Variants in EPHA6 observed in about 807,000 individuals in gnomAD.
EPHA6 encodes EPH receptor A6.
EPHA6 carries 50 observed loss-of-function variants against 112.0 expected under a neutral mutation model. That is an observed-to-expected ratio of 0.45 (90% CI 0.36 to 0.56). EPHA6 has a LOEUF of 0.56. Ranked by LOEUF, EPHA6 falls within the 20% of genes least tolerant of loss-of-function variation. EPHA6 has a pLI of 0.00. For missense variants in EPHA6, 1,280 were observed against 1,417.4 expected (o/e 0.90, Z 1.56); for synonymous variants, 529 against 490.7 (o/e 1.08, Z -1.03).
intron 2 of EPHA6, among the ~76,000 whole-genome samples, chr3:96,949,758 CT>C (rs2041447023): frequency 6.6e-6 from 1 of 152,028 alleles, no homozygotes. Context: ...TTACCACTTT[CT>C]TCTCTGCTTT....
chr3:97,014,460 T>G (rs2044200307), intron 3 of EPHA6, among the ~76,000 whole-genome samples: 1 of 151,760 alleles, frequency 6.6e-6, no homozygotes, highest in Admixed American at 6.6e-5. Context: ...CCTTTCCTTC[T>G]TTCCTTCCTT....
chr3:97,258,804 C>A (rs1409512128), intron 5 of EPHA6, among the ~76,000 whole-genome samples: 1 of 152,160 alleles, frequency 6.6e-6, no homozygotes, highest in Admixed American at 6.6e-5. Context: ...AAATAAGTAT[C>A]TTGCATTAGA....
At chr3:97,518,160 T>G (rs1413885092) in intron 10 of EPHA6, among the ~76,000 whole-genome samples, 1 of 152,148 alleles carries the variant, frequency 6.6e-6, no homozygotes, top group East Asian at 1.9e-4. Flanking sequence ...TTGAGGAACC[T>G]CCATATCATT....
intron 3 of EPHA6, among the ~76,000 whole-genome samples, chr3:97,126,718 T>TAA (rs35157365): frequency 1.5e-4 from 22 of 148,508 alleles, no homozygotes; most frequent in South Asian, 8.5e-4. Flanking sequence ...TCACCTGTGT[T>TAA]AAAAAAAAAA....
At chr3:97,033,171 T>G (rs1018305563) in intron 3 of EPHA6, among the ~76,000 whole-genome samples, 1 of 152,006 alleles carries the variant, frequency 6.6e-6, no homozygotes, top group African/African-American at 2.4e-5. Context: ...TTGGAAAGGT[T>G]GTTATGAGAT....
intron 12 of EPHA6, among the ~76,000 whole-genome samples, chr3:97,602,572 C>T (rs1344133597): frequency 6.6e-6 from 1 of 152,064 alleles, no homozygotes; most frequent in Non-Finnish European, 1.5e-5. Flanking sequence ...CAATTGCTCA[C>T]TGTGTGTCCT....
intron 14 of EPHA6, among the ~76,000 whole-genome samples, chr3:97,648,788 G>GA (rs552168311): frequency 1.1e-4 from 17 of 152,082 alleles, no homozygotes; most frequent in Non-Finnish European, 2.1e-4. Flanking sequence ...GACTCACACT[G>GA]AAAAATGTTA....
intron 10 of EPHA6, among the ~76,000 whole-genome samples, chr3:97,530,546 T>C (rs2092683879): frequency 6.6e-6 from 1 of 151,808 alleles, no homozygotes; most frequent in Non-Finnish European, 1.5e-5. Flanking sequence ...CTTCTTTTTT[T>C]TTTCAGTGAA....
intron 2 of EPHA6, among the ~76,000 whole-genome samples, chr3:96,926,342 A>G (rs1172553260): frequency 6.6e-5 from 10 of 152,192 alleles, no homozygotes; most frequent in African/African-American, 2.4e-4. Context: ...ACAATTAGAG[A>G]TATATTTGGG....
intron 6 of EPHA6, among the ~76,000 whole-genome samples, chr3:97,438,959 C>A (rs1481652236): frequency 6.6e-6 from 1 of 152,076 alleles, no homozygotes. Context: ...AATAATTAGG[C>A]CATTTTCTCT....
chr3:97,564,916 G>GA lies in EPHA6; in HGVS notation c.2387-27690dup, dbSNP rs1165735811. Reference sequence around the variant, plus strand: ...TGGCATATATGGCACCTCGGTAGCAGAAAAAACTTAAAAATATACCATTCT... The same window carrying GA: ...TGGCATATATGGCACCTCGGTAGCAGAAAAAAACTTAAAAATATACCATTCT... On this transcript the variant is annotated intron_variant, in intron 11 of 17. Transcript: ENST00000389672. Among the ~76,000 whole-genome samples, 3 of 151,898 alleles carry GA rather than the reference G, an allele frequency of 2.0e-5. 1 individual carries two copies. The highest frequency in any genetic ancestry group is 4.4e-5 in the Non-Finnish European group (3 of 67,964).
At chr3:97,215,610 CAAAA>C (rs11340632) in intron 3 of EPHA6, among the ~76,000 whole-genome samples, 1 of 122,132 alleles carries the variant, frequency 8.2e-6, no homozygotes. Flanking sequence ...AACTTTGTCT[CAAAA>C]AAAAAAAAAA....
intron 3 of EPHA6, among the ~76,000 whole-genome samples, chr3:97,187,640 AAGAG>A (rs1274085595): frequency 1.5e-4 from 22 of 148,304 alleles, no homozygotes; most frequent in East Asian, 7.8e-4. Flanking sequence ...AAGAAAGAAA[AAGAG>A]AGAGAGAAAG....
chr3:96,885,147 A>C (rs1163046892), intron 2 of EPHA6, among the ~76,000 whole-genome samples: 1 of 152,086 alleles, frequency 6.6e-6, no homozygotes. Context: ...TAAGGACTTT[A>C]GGATGTATGT....
chr3:96,868,032 T>G (rs985802313), intron 2 of EPHA6, among the ~76,000 whole-genome samples: 3 of 151,990 alleles, frequency 2.0e-5, no homozygotes, highest in Admixed American at 2.0e-4. Context: ...AGGATTATGC[T>G]TTTATCTTCA....
intron 2 of EPHA6, among the ~76,000 whole-genome samples, chr3:96,986,101 G>A (rs1366915938): frequency 6.6e-6 from 1 of 151,980 alleles, no homozygotes; most frequent in Non-Finnish European, 1.5e-5. Context: ...TTCTTGTATT[G>A]AAAATGATCA....
At chr3:97,597,423 C>A (rs2093604087) in intron 12 of EPHA6, among the ~76,000 whole-genome samples, 1 of 152,118 alleles carries the variant, frequency 6.6e-6, no homozygotes, top group African/African-American at 2.4e-5. Flanking sequence ...TTTGCGATTA[C>A]TGAGTATATA....
intron 5 of EPHA6, among the ~76,000 whole-genome samples, chr3:97,288,823 A>C (rs1204092894): frequency 1.3e-5 from 2 of 150,986 alleles, no homozygotes; most frequent in East Asian, 3.9e-4. Context: ...TTTTCTGATG[A>C]TTACTGATGT....
chr3:97,648,243 C>T, intron 14 of EPHA6: 1 of 791,428 alleles, frequency 1.3e-6, no homozygotes, highest in East Asian at 2.5e-5. Context: ...TGCATAATTA[C>T]AGTTCTGTTA....
Sources: gnomAD v4.1 joint callset for allele counts (sites outside exome capture counted in the v4.1 genomes callset) on GRCh38, gnomAD v4.1.1 for gene constraint, MANE v1.5 for transcripts, NCBI Gene and HGNC (gene_info 2026-07-23, HGNC 2026-07-21) for gene names.